The following NIPBL variants were observed in gnomAD, a reference collection of about 807,000 sequenced individuals.
The protein encoded by NIPBL is nipped-B-like protein.
Under a neutral mutation model 321.8 loss-of-function variants are expected in NIPBL, and 19 were observed. The ratio of observed to expected loss-of-function variants is 0.06; its 90% CI spans 0.04 to 0.09. The LOEUF (loss-of-function observed/expected upper bound fraction) is 0.09. Among genes scored for constraint, NIPBL ranks in the 10% least tolerant of loss-of-function variants. The pLI is 1.00. For missense variants in NIPBL, 2,210 were observed against 3,327.0 expected, an observed-to-expected ratio of 0.66 and a Z score of 8.26; for synonymous variants, 1,106 against 1,114.1, an observed-to-expected ratio of 0.99 and a Z score of 0.14.
chr5:36,904,211 C>G (rs1747451362), intron 1 of NIPBL, among the ~76,000 whole-genome samples: 1 of 152,228 alleles, frequency 6.6e-6, no homozygotes, highest in Admixed American at 6.5e-5. Flanking sequence ...TGGCTCGCGC[C>G]TCTAATCCCA....
At chr5:37,009,387 C>T (rs893690565) in intron 20 of NIPBL, among the ~76,000 whole-genome samples, 2 of 152,052 alleles carry the variant, frequency 1.3e-5, no homozygotes, top group Non-Finnish European at 2.9e-5. Context: ...AGATAATCAC[C>T]GGAATTATCT....
At chr5:36,933,126 T>G (rs1252590380) in intron 1 of NIPBL, among the ~76,000 whole-genome samples, 1 of 152,078 alleles carries the variant, frequency 6.6e-6, no homozygotes, top group Non-Finnish European at 1.5e-5. Context: ...GAAAAACTCT[T>G]CCTTTAATAA....
At position 36,985,727 on chromosome 5, in the gene NIPBL, T is replaced by C; in HGVS notation, c.2547T>C (p.Ser849=). The change falls in exon 10 of 47, where the codon TCT becomes TCC. Residue 849 remains serine, a synonymous_variant. Coordinates refer to ENST00000282516, the MANE Select transcript of NIPBL (RefSeq NM_133433.4). The part of the protein sequence containing the change: ...RVRRPETLRS[S]SRNEHGIKSD... Reference sequence around the variant, plus strand: ...GAAGACCAGAAACATTGAGATCCTCTAGTAGAAATGAACATGGCATTAAAT... The same window carrying C: ...GAAGACCAGAAACATTGAGATCCTCCAGTAGAAATGAACATGGCATTAAAT... 4 of 1,613,854 alleles carry C rather than the reference T, an allele frequency of 2.5e-6. No individual in the cohort carries two copies. Among genetic ancestry groups the C allele is most frequent in the Non-Finnish European group, 1.7e-6 (2 of 1,179,944 alleles).
chr5:36,921,616 TAGGC>T (rs1748946940), intron 1 of NIPBL, among the ~76,000 whole-genome samples: 1 of 152,124 alleles, frequency 6.6e-6, no homozygotes, highest in Non-Finnish European at 1.5e-5. Context: ...ACAAAAAAAA[TAGGC>T]AGGATTTTAG....
intron 8 of NIPBL, among the ~76,000 whole-genome samples, chr5:36,974,526 G>C (rs763598792): frequency 2.0e-5 from 3 of 151,968 alleles, no homozygotes; most frequent in Non-Finnish European, 4.4e-5. Flanking sequence ...ACCTCTGTAG[G>C]CTTCATGTTC....
chr5:36,994,707 A>G (rs938801711), intron 10 of NIPBL, among the ~76,000 whole-genome samples: 1 of 152,160 alleles, frequency 6.6e-6, no homozygotes, highest in African/African-American at 2.4e-5. Flanking sequence ...ATTAAGGACA[A>G]ATTATCCGAA....
intron 1 of NIPBL, among the ~76,000 whole-genome samples, chr5:36,894,900 G>C (rs528921054): frequency 6.6e-6 from 1 of 152,200 alleles, no homozygotes; most frequent in Non-Finnish European, 1.5e-5. Flanking sequence ...CAGTCTGCCT[G>C]TGGTGCTTGG....
At chr5:36,897,516 T>A (rs960848773) in intron 1 of NIPBL, among the ~76,000 whole-genome samples, 1 of 152,216 alleles carries the variant, frequency 6.6e-6, no homozygotes, top group Non-Finnish European at 1.5e-5. Flanking sequence ...AACAGTGTTA[T>A]AAGAAAGAAA....
intron 1 of NIPBL, among the ~76,000 whole-genome samples, chr5:36,891,141 T>C (rs1746300617): frequency 3.3e-5 from 5 of 151,898 alleles, no homozygotes; most frequent in South Asian, 4.1e-4. Flanking sequence ...GGCGGGCGCC[T>C]GTAGTTCCAG....
chr5:36,926,698 G>A (rs1749390403), intron 1 of NIPBL, among the ~76,000 whole-genome samples: 1 of 152,160 alleles, frequency 6.6e-6, no homozygotes. Context: ...ATGAGGACTA[G>A]CAAATAATTT....
rs759424370 is a variant in NIPBL at position 36,953,678 on chromosome 5, A to G, written c.-19A>G. The G allele has an allele frequency of 1.2e-6, 2 of 1,611,804 alleles. No individual in the cohort carries two copies. Among genetic ancestry groups the G allele is most frequent in the South Asian group, 1.1e-5 (1 of 91,050 alleles). On this transcript the variant is annotated 5_prime_UTR_variant, in exon 2 of 47. Coordinates refer to ENST00000282516, the MANE Select transcript of NIPBL (RefSeq NM_133433.4). ...TGAACTAAGTACTTTTATAGGCAACACCATTCCAGAAATTCAGGATGAATG... is the reference window on the plus strand; with the variant it reads ...TGAACTAAGTACTTTTATAGGCAACGCCATTCCAGAAATTCAGGATGAATG...
At chr5:36,913,537 G>A (rs1748217372) in intron 1 of NIPBL, among the ~76,000 whole-genome samples, 1 of 151,924 alleles carries the variant, frequency 6.6e-6, no homozygotes, top group Non-Finnish European at 1.5e-5. Flanking sequence ...CTACAGATGT[G>A]TGCCACCACA....
At position 36,962,260 on chromosome 5, in the gene NIPBL, C is replaced by T; in HGVS notation, c.596C>T (p.Pro199Leu). The T allele has an allele frequency of 1.2e-6, 2 of 1,614,072 alleles. No homozygotes were observed. The highest frequency in any genetic ancestry group is 1.7e-6 in the Non-Finnish European group (2 of 1,179,964). ...YSHPSSYTTH[P>L]QMQQASVSSP... ...CATCCTTCAAGTTACACAACACATC[C>T]ACAGATGCAACAAGGTAAGAAAGTT... The change falls in exon 6 of 47, where the codon CCA (proline) becomes CTA (leucine). Residue 199 changes from proline to leucine, a missense_variant. This residue lies in a region of NIPBL where 464 missense variants were observed against 529.5 expected (regional missense o/e 0.88). Transcript: ENST00000282516.
intron 1 of NIPBL, among the ~76,000 whole-genome samples, chr5:36,930,694 A>G (rs564607872): frequency 6.6e-6 from 1 of 152,198 alleles, no homozygotes; most frequent in South Asian, 2.1e-4. Flanking sequence ...GATGCTCTTT[A>G]TTAGGTTGAA....
At chr5:36,954,345 T>G (rs765530320) in intron 2 of NIPBL, among the ~76,000 whole-genome samples, 1 of 152,172 alleles carries the variant, frequency 6.6e-6, no homozygotes, top group Non-Finnish European at 1.5e-5. Context: ...CAAATACAAC[T>G]TTTCTGGCTT....
intron 32 of NIPBL, among the ~76,000 whole-genome samples, chr5:37,030,243 C>T (rs1310403997): frequency 6.6e-6 from 1 of 152,032 alleles, no homozygotes; most frequent in Non-Finnish European, 1.5e-5. Flanking sequence ...TTAGTTTATC[C>T]ATCCTATTCA....
At chr5:36,897,575 A>G (rs1746852208) in intron 1 of NIPBL, among the ~76,000 whole-genome samples, 1 of 152,228 alleles carries the variant, frequency 6.6e-6, no homozygotes, top group Non-Finnish European at 1.5e-5. Flanking sequence ...ACTTACGCAC[A>G]TATGAAAAGT....
At chr5:37,024,370 T>C (rs1321521388) in intron 29 of NIPBL, among the ~76,000 whole-genome samples, 1 of 152,132 alleles carries the variant, frequency 6.6e-6, no homozygotes, top group East Asian at 1.9e-4. Context: ...CTATAAAATA[T>C]GTTTCTATGT....
rs184955991 is a variant in NIPBL at position 37,018,737 on chromosome 5, C to A, written c.4921-574C>A. 2.4e-3 allele frequency among the ~76,000 whole-genome samples: 360 copies of A among 152,276 alleles called. 2 individuals carry two copies. The highest frequency in any genetic ancestry group is 8.1e-3 in the African/African-American group (336 of 41,556). ...CAACACATATTTCCAAAAGGAAATT[C>A]TTCCTACCTCTGAAGATTTAACACA... On this transcript the variant is annotated intron_variant, in intron 24 of 46. Coordinates refer to ENST00000282516, the MANE Select transcript of NIPBL (RefSeq NM_133433.4).
Sources: allele counts gnomAD v4.1 joint callset (sites outside exome capture counted in the v4.1 genomes callset), GRCh38; gene constraint gnomAD v4.1.1; regional missense constraint gnomAD v4.1.1; transcripts MANE v1.5; gene names NCBI Gene and HGNC (gene_info 2026-07-23, HGNC 2026-07-21).